MYO6: variants seen among roughly 807,000 people sequenced by gnomAD.
MYO6 encodes the protein myosin VI, also known as unconventional myosin-VI.
In MYO6, 74 loss-of-function variants were observed where a neutral mutation model predicts 178.7. That is an observed-to-expected ratio of 0.41 (90% CI 0.34 to 0.50). The LOEUF (loss-of-function observed/expected upper bound fraction) is 0.50. Among genes scored for constraint, MYO6 ranks in the 20% least tolerant of loss-of-function variants. The probability of loss-of-function intolerance (pLI) is 0.09; values close to 1 mark genes in which losing one functional copy is unlikely to be tolerated. For missense variants in MYO6, 1,330 were observed against 1,547.4 expected (o/e 0.86, Z 2.36); for synonymous variants, 477 against 504.6 (o/e 0.95, Z 0.73).
At chr6:75,764,192 G>A (rs773038934) in intron 1 of MYO6, among the ~76,000 whole-genome samples, 40 of 152,098 alleles carry the variant, frequency 2.6e-4, no homozygotes, top group Admixed American at 2.1e-3. Flanking sequence ...TTATGGATGC[G>A]GGCCACCATG....
chr6:75,908,213 A>G (rs1207854807), intron 31 of MYO6, among the ~76,000 whole-genome samples: 1 of 152,158 alleles, frequency 6.6e-6, no homozygotes, highest in Non-Finnish European at 1.5e-5. Flanking sequence ...CAAATTGCTT[A>G]ATGTTTCTGA....
chr6:75,775,948 G>GT (rs1269643018), intron 1 of MYO6, among the ~76,000 whole-genome samples: 1 of 152,092 alleles, frequency 6.6e-6, no homozygotes, highest in East Asian at 1.9e-4. Context: ...AATGTGTAGC[G>GT]TATCATTTCT....
chr6:75,793,493 A>T (rs576815541), intron 1 of MYO6, among the ~76,000 whole-genome samples: 1 of 152,116 alleles, frequency 6.6e-6, no homozygotes, highest in East Asian at 1.9e-4. Context: ...AATCCCAGCT[A>T]CTTGGGAGGC....
intron 1 of MYO6, among the ~76,000 whole-genome samples, chr6:75,784,569 C>T (rs550682070): frequency 4.0e-5 from 6 of 151,334 alleles, no homozygotes; most frequent in Non-Finnish European, 5.9e-5. Flanking sequence ...GTCAGGAGAT[C>T]GAGACCATCC....
intron 1 of MYO6, among the ~76,000 whole-genome samples, chr6:75,754,662 G>A (rs1363158062): frequency 6.6e-6 from 1 of 151,658 alleles, no homozygotes; most frequent in Non-Finnish European, 1.5e-5. Context: ...GGCCCACTGT[G>A]TTTTAGATAT....
intron 23 of MYO6, among the ~76,000 whole-genome samples, chr6:75,882,323 T>C (rs1009892742): frequency 6.6e-6 from 1 of 152,240 alleles, no homozygotes; most frequent in Non-Finnish European, 1.5e-5. Context: ...AATAATTCCA[T>C]TAGCTCCCAG....
chr6:75,762,436 T>A (rs564059161), intron 1 of MYO6, among the ~76,000 whole-genome samples: 2 of 152,294 alleles, frequency 1.3e-5, no homozygotes, highest in South Asian at 4.1e-4. Flanking sequence ...TGCTTCCAGG[T>A]GGTCTGGCTC....
chr6:75,830,647 T>C (rs550877649), intron 5 of MYO6, 102 bp downstream of exon 5: 1 of 1,182,764 alleles, frequency 8.5e-7, no homozygotes, highest in East Asian at 2.6e-5. Flanking sequence ...AAATTGAATA[T>C]ATATTTTGGA....
intron 28 of MYO6, among the ~76,000 whole-genome samples, 168 bp from the exon 29 acceptor site, chr6:75,895,063 A>G (rs1475173196): frequency 6.6e-6 from 1 of 152,228 alleles, no homozygotes; most frequent in Non-Finnish European, 1.5e-5. Flanking sequence ...AATCATTTTT[A>G]ATGAATACTT....
In MYO6 at chr6:75,918,289, G is replaced by A. The variant is rs1781230890; in HGVS notation, c.*3277G>A. On this transcript the variant is annotated 3_prime_UTR_variant, in exon 35 of 35. Coordinates refer to ENST00000369977, the MANE Select transcript of MYO6 (RefSeq NM_004999.4). ...GAGGGCAAAGGATATCTAAACATGA[G>A]AATAAGGACATGTTAGAGGGGGGGA... The A allele has an allele frequency of 6.6e-6, 1 of 151,968 alleles. No homozygotes were observed. Among genetic ancestry groups the A allele is most frequent in the Admixed American group, 6.6e-5 (1 of 15,258 alleles). The allele number at this position is 151,968 out of a possible 1,614,324, so 9.4% of individuals were successfully genotyped here.
intron 1 of MYO6, among the ~76,000 whole-genome samples, chr6:75,769,588 C>G (rs1444309912): frequency 1.3e-5 from 2 of 152,238 alleles, no homozygotes; most frequent in African/African-American, 4.8e-5. Context: ...CAGCTCCACT[C>G]CCTCTGCTGC....
intron 4 of MYO6, 130 bp downstream of exon 4, chr6:75,828,743 A>G: frequency 1.5e-6 from 1 of 678,004 alleles, no homozygotes. Context: ...ATAGAGTGTG[A>G]GGTTAGTGAG....
At chr6:75,894,641 T>C (rs1779150564) in intron 28 of MYO6, among the ~76,000 whole-genome samples, 1 of 152,260 alleles carries the variant, frequency 6.6e-6, no homozygotes, top group South Asian at 2.1e-4. Context: ...TTTTTGAATG[T>C]TTATTTTACC....
intron 1 of MYO6, among the ~76,000 whole-genome samples, chr6:75,751,145 C>CATGA (rs1390502027): frequency 2.0e-5 from 3 of 152,190 alleles, no homozygotes; most frequent in Admixed American, 2.0e-4. Flanking sequence ...GAGCTTGAAA[C>CATGA]CATGCTGCCG....
intron 30 of MYO6, among the ~76,000 whole-genome samples, chr6:75,898,856 G>A (rs1460293990): frequency 6.6e-6 from 1 of 152,140 alleles, no homozygotes; most frequent in Admixed American, 6.6e-5. Flanking sequence ...TGTGGCACAT[G>A]GTTTGAAAAC....
At chr6:75,828,467 A>C (rs893196431) in intron 3 of MYO6, 73 bp from the exon 4 acceptor site, 1 of 908,884 alleles carries the variant, frequency 1.1e-6, no homozygotes, top group African/African-American at 1.7e-5. Flanking sequence ...AAAGTGATTC[A>C]GATTAAGATA....
chr6:75,841,425 A>G, intron 9 of MYO6, 47 bp downstream of exon 9: 1 of 1,556,014 alleles, frequency 6.4e-7, no homozygotes, highest in Non-Finnish European at 8.8e-7. Context: ...GCAGTGGCTC[A>G]TGCCTGTAAT....
At chr6:75,765,282 T>C (rs1778319193) in intron 1 of MYO6, among the ~76,000 whole-genome samples, 1 of 147,520 alleles carries the variant, frequency 6.8e-6, no homozygotes, top group Non-Finnish European at 1.5e-5. Context: ...GTCCAAGCGA[T>C]TCTCGAGCCT....
intron 1 of MYO6, among the ~76,000 whole-genome samples, chr6:75,771,437 AT>A (rs1418590831): frequency 1.3e-5 from 2 of 152,174 alleles, no homozygotes; most frequent in East Asian, 3.8e-4. Flanking sequence ...CTCAAGGTAC[AT>A]TTATCTGTAG....
Sources: gnomAD v4.1 joint callset for allele counts (sites outside exome capture counted in the v4.1 genomes callset) on GRCh38, gnomAD v4.1.1 for gene constraint, MANE v1.5 for transcripts, NCBI Gene and HGNC (gene_info 2026-07-23, HGNC 2026-07-21) for gene names.